Variants in KALRN observed in about 807,000 individuals in gnomAD.
KALRN encodes kalirin.
Under a neutral mutation model 353.7 loss-of-function variants are expected in KALRN, and 70 were observed. The observed-to-expected ratio is 0.20, with a 90% CI of 0.16 to 0.24. KALRN has a LOEUF of 0.24. Among genes scored for constraint, KALRN ranks in the 10% least tolerant of loss-of-function variants. The pLI, the probability that KALRN is intolerant of heterozygous loss-of-function variation, is 1.00. For missense variants in KALRN, 2,791 were observed against 3,756.7 expected (o/e 0.74, Z 6.72); for synonymous variants, 1,391 against 1,434.8 (o/e 0.97, Z 0.69).
intron 1 of KALRN, among the ~76,000 whole-genome samples, chr3:124,110,607 C>T (rs1488187734): frequency 1.3e-5 from 2 of 152,032 alleles, no homozygotes; most frequent in East Asian, 3.9e-4. Flanking sequence ...GTATCTTGAT[C>T]ACTGGCCTTG....
intron 1 of KALRN, among the ~76,000 whole-genome samples, chr3:124,188,164 A>T (rs984505605): frequency 7.9e-5 from 12 of 152,318 alleles, no homozygotes; most frequent in Non-Finnish European, 1.2e-4. Flanking sequence ...ACTTAAACGT[A>T]CGCAAGAATC....
intron 36 of KALRN, among the ~76,000 whole-genome samples, chr3:124,634,758 C>A (rs2081175239): frequency 6.6e-6 from 1 of 152,078 alleles, no homozygotes; most frequent in South Asian, 2.1e-4. Context: ...GTGGAAGCGG[C>A]AGGTTTGGGT....
At chr3:124,417,798 G>A (rs770794621) in intron 14 of KALRN, among the ~76,000 whole-genome samples, 1 of 152,204 alleles carries the variant, frequency 6.6e-6, no homozygotes, top group East Asian at 1.9e-4. Flanking sequence ...TTACCACATA[G>A]GGTCATGTGA....
chr3:124,379,366 C>T (rs1576441032), intron 10 of KALRN, among the ~76,000 whole-genome samples: 2 of 152,264 alleles, frequency 1.3e-5, no homozygotes, highest in East Asian at 1.9e-4. Context: ...TTTTCTCCTT[C>T]TCATAGGTGA....
intron 1 of KALRN, among the ~76,000 whole-genome samples, chr3:124,109,445 A>G (rs1434101698): frequency 6.6e-6 from 1 of 151,994 alleles, no homozygotes; most frequent in African/African-American, 2.4e-5. Context: ...CTATTTAATT[A>G]TTTCCCAAAT....
intron 7 of KALRN, among the ~76,000 whole-genome samples, chr3:124,327,531 C>T (rs1312274754): frequency 6.6e-6 from 1 of 152,112 alleles, no homozygotes; most frequent in Non-Finnish European, 1.5e-5. Context: ...GTGTTTTATA[C>T]ATTCTTTATA....
intron 5 of KALRN, among the ~76,000 whole-genome samples, chr3:124,293,988 A>G (rs1439501361): frequency 6.6e-6 from 1 of 152,094 alleles, no homozygotes; most frequent in African/African-American, 2.4e-5. Flanking sequence ...TATTTGAATC[A>G]GCCATCCCCA....
At chr3:124,176,356 A>G (rs2072749839) in intron 1 of KALRN, among the ~76,000 whole-genome samples, 1 of 152,156 alleles carries the variant, frequency 6.6e-6, no homozygotes, top group South Asian at 2.1e-4. Context: ...CACGCAGATT[A>G]CCCACATGGT....
intron 1 of KALRN, chr3:124,100,361 C>T (rs1032088177): frequency 6.6e-6 from 1 of 152,132 alleles, no homozygotes; most frequent in African/African-American, 2.4e-5. Context: ...GTTTCCCTTG[C>T]TGTGCAGAAG....
intron 1 of KALRN, among the ~76,000 whole-genome samples, chr3:124,131,633 G>T (rs2065288897): frequency 6.6e-6 from 1 of 152,170 alleles, no homozygotes; most frequent in African/African-American, 2.4e-5. Flanking sequence ...TTGGCTCAGG[G>T]CTCTCAGTGG....
rs767647259 is a variant in KALRN, at chr3:124,398,891, G to A, written c.2346+20G>A. The A allele has an allele frequency of 1.9e-6, 3 of 1,585,228 alleles. No individual in the cohort carries two copies. The East Asian group carries it at 6.7e-5, about 36-fold the overall frequency. The stretch of plus-strand genomic sequence containing the variant: ...ATCGAGGTAGCAGGGGGCCAGGAGG[G>A]GAGGTGGAGAGGGGCCAAGAAGTGC... On this transcript the variant is annotated intron_variant, in intron 13 of 59. Coordinates refer to ENST00000682506, the MANE Select transcript of KALRN (RefSeq NM_001388419.1).
At chr3:124,255,675 G>A (rs1210207900) in intron 3 of KALRN, among the ~76,000 whole-genome samples, 3 of 152,178 alleles carry the variant, frequency 2.0e-5, no homozygotes, top group Non-Finnish European at 4.4e-5. Flanking sequence ...CAGTTGCCAC[G>A]TGGGAAAGCA....
At chr3:124,421,234 A>C (rs574761523) in intron 14 of KALRN, among the ~76,000 whole-genome samples, 2 of 152,328 alleles carry the variant, frequency 1.3e-5, no homozygotes, top group Non-Finnish European at 2.9e-5. Flanking sequence ...GGATCTGAAC[A>C]AGGCCGAATA....
intron 10 of KALRN, among the ~76,000 whole-genome samples, chr3:124,371,827 A>G (rs1435043341): frequency 6.6e-6 from 1 of 152,218 alleles, no homozygotes; most frequent in Non-Finnish European, 1.5e-5. Flanking sequence ...GTTTTAAGAT[A>G]TACAATAAAG....
At chr3:124,138,641 C>T (rs1035759855) in intron 1 of KALRN, among the ~76,000 whole-genome samples, 8 of 152,214 alleles carry the variant, frequency 5.3e-5, no homozygotes, top group Non-Finnish European at 7.3e-5. Context: ...CTCCACCTTT[C>T]CTTATGTATT....
intron 1 of KALRN, among the ~76,000 whole-genome samples, chr3:124,220,816 C>T (rs1170214718): frequency 2.6e-5 from 4 of 152,206 alleles, no homozygotes; most frequent in Non-Finnish European, 5.9e-5. Flanking sequence ...GACAAAGTTC[C>T]AGTGCCCCTA....
At chr3:124,472,573 ATATGTG>A (rs1052425112) in intron 25 of KALRN, among the ~76,000 whole-genome samples, 7 of 97,434 alleles carry the variant, frequency 7.2e-5, no homozygotes, top group African/African-American at 3.7e-4. Flanking sequence ...GTGTGTGTGT[ATATGTG>A]TGTGTGTGTG....
At chr3:124,451,389 T>C (rs1367071521) in intron 21 of KALRN, among the ~76,000 whole-genome samples, 1 of 152,104 alleles carries the variant, frequency 6.6e-6, no homozygotes, top group African/African-American at 2.4e-5. Flanking sequence ...AGGCAAGACA[T>C]AAATTAGGGG....
chr3:124,424,966 G>T (rs1027523986), intron 15 of KALRN, among the ~76,000 whole-genome samples: 10 of 152,120 alleles, frequency 6.6e-5, no homozygotes, highest in African/African-American at 1.9e-4. Context: ...GCCTCTGCTG[G>T]CCCCCACTCT....
Sources: gnomAD v4.1 joint callset for allele counts (sites outside exome capture counted in the v4.1 genomes callset) on GRCh38, gnomAD v4.1.1 for gene constraint, MANE v1.5 for transcripts, NCBI Gene and HGNC (gene_info 2026-07-23, HGNC 2026-07-21) for gene names.